The following UGGT1 variants were observed in gnomAD, a reference collection of about 807,000 sequenced individuals.
The protein encoded by UGGT1 is UDP-glucose glycoprotein glucosyltransferase 1, also known as UDP-glucose:glycoprotein glucosyltransferase 1.
A neutral mutation model predicts 203.9 loss-of-function variants in UGGT1; 107 were observed. The ratio of observed to expected loss-of-function variants is 0.52; its 90% CI spans 0.45 to 0.62. UGGT1 has a LOEUF of 0.62. UGGT1 is among the 20% of genes least tolerant of loss of function. UGGT1 has a pLI of 0.00. For synonymous variants in UGGT1, 628 were observed against 653.5 expected, an observed-to-expected ratio of 0.96 and a Z score of 0.59; for missense variants, 1,673 against 1,867.2, an observed-to-expected ratio of 0.90 and a Z score of 1.92.
intron 16 of UGGT1, 37 bp downstream of exon 16, chr2:128,138,889 G>C (rs1337378657): frequency 6.2e-7 from 1 of 1,611,990 alleles, no homozygotes; most frequent in South Asian, 1.1e-5. Context: ...AATTTTTTCA[G>C]ATCTAACTTA....
chr2:128,176,717 C>T, intron 31 of UGGT1, 97 bp from the exon 32 acceptor site: 1 of 1,175,952 alleles, frequency 8.5e-7, no homozygotes, highest in Non-Finnish European at 1.2e-6. Context: ...CTGGAAAACT[C>T]CTTTATGAGA....
Position 128,091,319 on chromosome 2 carries a change from T to C in UGGT1, c.-39T>C, listed in dbSNP as rs1165384419. The C allele has an allele frequency of 6.5e-7, 1 of 1,532,388 alleles. No homozygotes were observed. Among genetic ancestry groups the C allele is most frequent in the Non-Finnish European group, 8.8e-7 (1 of 1,137,912 alleles). The allele number at this position is 1,532,388 out of a possible 1,614,324, so 94.9% of individuals were successfully genotyped here. A position where few individuals can be genotyped will look rare whatever the true frequency, so the allele number is the denominator to read the frequency against. The stretch of plus-strand genomic sequence containing the variant: ...CGCCTCGCCCCGCCCTGCCCTGGCG[T>C]TGTCTCTGGCACTGTGGCGGACTGA... On this transcript the variant is annotated 5_prime_UTR_variant, in exon 1 of 41. Transcript: ENST00000259253.
intron 5 of UGGT1, among the ~76,000 whole-genome samples, chr2:128,112,621 C>G (rs1378573482): frequency 6.9e-6 from 1 of 144,822 alleles, no homozygotes; most frequent in Non-Finnish European, 1.5e-5. Context: ...CCCGTTCTGT[C>G]ACCCAGGGTG....
intron 13 of UGGT1, among the ~76,000 whole-genome samples, chr2:128,129,397 ATTT>A (rs70988610): frequency 6.8e-5 from 9 of 132,202 alleles, no homozygotes; most frequent in Admixed American, 1.6e-4. Flanking sequence ...TAAGACAGTG[ATTT>A]TTTTTTTTTT....
chr2:128,174,532 C>T (rs1407528339), intron 30 of UGGT1, among the ~76,000 whole-genome samples: 3 of 152,220 alleles, frequency 2.0e-5, no homozygotes, highest in Non-Finnish European at 4.4e-5. Flanking sequence ...AACTCCTCAC[C>T]TCAGTTGATC....
intron 1 of UGGT1, among the ~76,000 whole-genome samples, chr2:128,095,107 G>C (rs1015325952): frequency 1.3e-5 from 2 of 151,890 alleles, no homozygotes. Context: ...GCTCCTCTGT[G>C]GGAAATGTCA....
intron 3 of UGGT1, among the ~76,000 whole-genome samples, chr2:128,106,355 A>G (rs938355845): frequency 9.2e-5 from 14 of 152,136 alleles, no homozygotes; most frequent in Non-Finnish European, 1.6e-4. Context: ...TCTATGAACA[A>G]CATAAAAGCA....
chr2:128,145,983 A>G lies in UGGT1; in HGVS notation c.2016+16A>G, dbSNP rs1689672811. On this transcript the variant is annotated intron_variant, in intron 18 of 40. Coordinates refer to ENST00000259253, the MANE Select transcript of UGGT1 (RefSeq NM_020120.4). ...GGTGTACTTGGTGAGTCACGTTTCAAGGCTGATTTTTTAAAGAGAACAGTT... is the reference window on the plus strand; with the variant it reads ...GGTGTACTTGGTGAGTCACGTTTCAGGGCTGATTTTTTAAAGAGAACAGTT... 3 of 1,613,400 alleles carry G rather than the reference A, an allele frequency of 1.9e-6. No individual in the cohort carries two copies. In the East Asian group the frequency reaches 6.7e-5, roughly 36 times the overall value.
intron 8 of UGGT1, among the ~76,000 whole-genome samples, chr2:128,119,652 C>T (rs1161447958): frequency 6.6e-6 from 1 of 152,144 alleles, no homozygotes; most frequent in African/African-American, 2.4e-5. Flanking sequence ...CTAAAGGAAA[C>T]TCATTTTGGG....
At position 128,183,768 on chromosome 2, in the gene UGGT1, C is replaced by T. The variant is rs954389883; in HGVS notation, c.4338C>T (p.Asn1446=). 2 of 1,613,856 alleles carry T rather than the reference C, an allele frequency of 1.2e-6. No individual in the cohort carries two copies. The highest frequency in any genetic ancestry group is 2.7e-5 in the African/African-American group (2 of 74,914). ...ACCAAGGTCTGAGTCAGGACCCTAA[C>T]AGCCTTTCAAATCTTGATCAAGTAA... ...GQYQGLSQDP[N]SLSNLDQDLP... The change falls in exon 38 of 41, where the codon AAC becomes AAT. Residue 1446 remains asparagine (N), a synonymous_variant. Coordinates refer to ENST00000259253, the MANE Select transcript of UGGT1 (RefSeq NM_020120.4).
In UGGT1 at chr2:128,189,820, A is replaced by G. The variant is rs1309642249; in HGVS notation, c.*78A>G. The G allele has an allele frequency of 1.1e-5, 17 of 1,535,844 alleles. 1 individual carries two copies. The highest frequency in any genetic ancestry group is 6.8e-5 in the African/African-American group (5 of 73,434). On this transcript the variant is annotated 3_prime_UTR_variant, in exon 41 of 41. Transcript: ENST00000259253. The stretch of plus-strand genomic sequence containing the variant: ...AATGCTAGTTTTTTCTGATCTGTCT[A>G]TACAACTGCTGATAAGCCGGCTGGG...
intron 8 of UGGT1, 121 bp downstream of exon 8, chr2:128,116,464 TTATG>T: frequency 1.6e-6 from 1 of 638,844 alleles, no homozygotes; most frequent in Non-Finnish European, 2.8e-6. Flanking sequence ...TAACAGTACT[TTATG>T]TATGCAATCC....
rs758134900 is a variant in UGGT1, at chr2:128,187,494, C to T, written c.4522C>T (p.Arg1508Trp). 11 of 1,613,926 alleles carry T rather than the reference C, an allele frequency of 6.8e-6. No homozygotes were observed. Among genetic ancestry groups the T allele is most frequent in the Middle Eastern group, 1.6e-4 (1 of 6,082 alleles). Reference sequence around the variant, plus strand: ...AGAGCCGAAACTGGAAGCAGCTGTGCGGATTGTCCCGGAGTGGCAGGACTA... The same window carrying T: ...AGAGCCGAAACTGGAAGCAGCTGTGTGGATTGTCCCGGAGTGGCAGGACTA... The part of the protein sequence containing the change: ...TKEPKLEAAV[R>W]IVPEWQDYDQ... Residue 1508 changes from arginine (R) to tryptophan (W), a missense_variant, in exon 40 of 41, where the codon CGG (arginine) becomes TGG (tryptophan). By Grantham distance (101) the Arg-to-Trp change is moderately radical. Transcript: ENST00000259253.
chr2:128,138,655 A>T, intron 15 of UGGT1, 62 bp from the exon 16 acceptor site: 3 of 1,573,576 alleles, frequency 1.9e-6, no homozygotes, highest in Non-Finnish European at 2.6e-6. Flanking sequence ...CAAGGATGTC[A>T]TTCTTTTTAA....
At chr2:128,136,307 A>G (rs1689128029) in intron 15 of UGGT1, among the ~76,000 whole-genome samples, 1 of 152,244 alleles carries the variant, frequency 6.6e-6, no homozygotes, top group African/African-American at 2.4e-5. Context: ...TTCACATTAC[A>G]ATACAGTTTA....
Position 128,176,813 on chromosome 2 carries a change from G to T in UGGT1, c.3540-1G>T. The T allele has an allele frequency of 6.2e-7, 1 of 1,613,678 alleles. No homozygotes were observed. The highest frequency in any genetic ancestry group is 1.1e-5 in the South Asian group (1 of 90,978). Reference sequence around the variant, plus strand: ...ATATTGATCTTTCTTTTCTCGCAAAGCCACGATGGCACTGATTCTCCCCCT... The same window carrying T: ...ATATTGATCTTTCTTTTCTCGCAAATCCACGATGGCACTGATTCTCCCCCT... On this transcript the variant is annotated splice_acceptor_variant, in intron 31 of 40. Coordinates refer to ENST00000259253, the MANE Select transcript of UGGT1 (RefSeq NM_020120.4). LOFTEE classifies it high-confidence loss of function.
intron 16 of UGGT1, among the ~76,000 whole-genome samples, chr2:128,142,368 G>T (rs1393799944): frequency 3.5e-5 from 5 of 143,312 alleles, no homozygotes; most frequent in African/African-American, 1.3e-4. Context: ...GGCGAATCAC[G>T]AGGTCAGGAG....
Position 128,191,102 on chromosome 2 carries a change from A to C in UGGT1, c.*1360A>C, listed in dbSNP as rs1245363290. On this transcript the variant is annotated 3_prime_UTR_variant, in exon 41 of 41. Coordinates refer to ENST00000259253, the MANE Select transcript of UGGT1 (RefSeq NM_020120.4). ...GCAGGGCACAGCAGCACTGGCATAG[A>C]CAGGCACGCTCTGTCTTCCAACGTG... is the stretch of plus-strand genomic sequence containing the variant. 2.6e-5 allele frequency: 4 copies of C among 152,274 alleles called. No homozygotes were observed. Among genetic ancestry groups the C allele is most frequent in the African/African-American group, 7.2e-5 (3 of 41,468 alleles). The allele number at this position is 152,274 out of a possible 1,614,324, so 9.4% of individuals were successfully genotyped here.
rs1249792585 is a variant in UGGT1 at position 128,151,327 on chromosome 2, G to A, written c.2017-1457G>A. ...CAGCAGCACCTTCACAGGCAGACAT[G>A]GCGCCTGCCACGCCTTCCCCAGGCC... On this transcript the variant is annotated intron_variant, in intron 18 of 40. Transcript: ENST00000259253. 9.0e-6 allele frequency: 5 copies of A among 555,748 alleles called. No homozygotes were observed. The Admixed American group carries it at 1.2e-4, about 14-fold the overall frequency. 34.4% of individuals were successfully genotyped at this position (555,748 alleles called of 1,614,324 possible).
Sources: allele counts gnomAD v4.1 joint callset (sites outside exome capture counted in the v4.1 genomes callset), GRCh38; gene constraint gnomAD v4.1.1; transcripts MANE v1.5; gene names NCBI Gene and HGNC (gene_info 2026-07-23, HGNC 2026-07-21).